KLHL8: variants seen among roughly 807,000 people sequenced by gnomAD.
The protein encoded by KLHL8 is kelch like family member 8, also known as kelch-like protein 8.
Under a neutral mutation model 63.5 loss-of-function variants are expected in KLHL8, and 38 were observed. The ratio of observed to expected loss-of-function variants is 0.60; its 90% CI spans 0.46 to 0.78. The LOEUF (loss-of-function observed/expected upper bound fraction) is 0.78, where lower values mean the gene tolerates loss of function less well. Among genes scored for constraint, KLHL8 ranks in the 30% least tolerant of loss-of-function variants. The pLI is 0.00. For missense variants in KLHL8, 566 were observed against 752.4 expected, an observed-to-expected ratio of 0.75 and a Z score of 2.90; for synonymous variants, 224 against 254.3, an observed-to-expected ratio of 0.88 and a Z score of 1.13.
intron 6 of KLHL8, among the ~76,000 whole-genome samples, chr4:87,174,944 A>C (rs1244435640): frequency 6.6e-6 from 1 of 152,206 alleles, no homozygotes; most frequent in Non-Finnish European, 1.5e-5. Flanking sequence ...TAAAATATCT[A>C]GTAACTCCTG....
intron 2 of KLHL8, among the ~76,000 whole-genome samples, chr4:87,193,305 G>C (rs551429996): frequency 6.6e-6 from 1 of 151,976 alleles, no homozygotes; most frequent in East Asian, 1.9e-4. Context: ...CACAAACTCA[G>C]ACAGTAGCCT....
chr4:87,217,708 C>T (rs1037158350), intron 1 of KLHL8, among the ~76,000 whole-genome samples: 9 of 146,716 alleles, frequency 6.1e-5, no homozygotes, highest in Non-Finnish European at 1.2e-4. Context: ...AGGATGGTCT[C>T]AAACTCCTGG....
At chr4:87,189,057 C>G (rs952368386) in intron 2 of KLHL8, among the ~76,000 whole-genome samples, 1 of 152,194 alleles carries the variant, frequency 6.6e-6, no homozygotes, top group Non-Finnish European at 1.5e-5. Context: ...TTCAAAGACA[C>G]TGGTGCTGGT....
upstream of KLHL8, among the ~76,000 whole-genome samples, chr4:87,224,845 A>C (rs1409377877): frequency 1.3e-5 from 2 of 152,184 alleles, no homozygotes; most frequent in African/African-American, 4.8e-5. Flanking sequence ...TGACATAGGT[A>C]TCTCTAAACC....
At position 87,163,622 on chromosome 4, in the gene KLHL8, A is replaced by G. The variant is rs1268492005; in HGVS notation, c.1760T>C (p.Val587Ala). ...TCCTGCTCCAGCTCTGCAGTGAGAC[A>G]CAGATCCAACAAGCTCCCACCTGAA... is the stretch of plus-strand genomic sequence containing the variant. ...VLNRWELVGS[V>A]SHCRAGAGVA... Residue 587 changes from valine to alanine, a missense_variant, in exon 10 of 10, where the codon GTG becomes GCG. Coordinates refer to ENST00000273963, the MANE Select transcript of KLHL8 (RefSeq NM_020803.5). The G allele has an allele frequency of 2.5e-6, 4 of 1,613,992 alleles. No individual in the cohort carries two copies. The highest frequency in any genetic ancestry group is 2.5e-6 in the Non-Finnish European group (3 of 1,179,996).
rs901977208 is a variant in KLHL8 at position 87,170,449 on chromosome 4, C to G, written c.1375G>C (p.Val459Leu). The G allele has an allele frequency of 4.4e-6, 7 of 1,597,196 alleles. No homozygotes were observed. Among genetic ancestry groups the G allele is most frequent in the Non-Finnish European group, 6.0e-6 (7 of 1,175,260 alleles). The stretch of plus-strand genomic sequence containing the variant: ...TGACAAGTTGCCATATAACTTACTA[C>G]TAGAGCAACAGAGCCAACTCCTCCA... ...PRGGVGSVAL[V>L]NHVYAVGGND... Residue 459 changes from valine (V) to leucine (L), a missense_variant and splice_region_variant, in exon 7 of 10, where the codon GTA becomes CTA. Physicochemically the swap from Val to Leu is conservative, Grantham distance 32 (BLOSUM62 1). Transcript: ENST00000273963.
intron 1 of KLHL8, among the ~76,000 whole-genome samples, chr4:87,208,851 G>A (rs1274090221): frequency 2.0e-5 from 3 of 152,000 alleles, no homozygotes; most frequent in Non-Finnish European, 4.4e-5. Context: ...ATTTGTCAGC[G>A]TACTATTTCT....
rs370806824 is a variant in KLHL8, at chr4:87,199,416, G to A, written c.-151-3726C>T. Among the ~76,000 whole-genome samples, 9 of 152,150 alleles carry A rather than the reference G, an allele frequency of 5.9e-5. No homozygotes were observed. In the East Asian group the frequency reaches 1.5e-3, roughly 26 times the overall value. On this transcript the variant is annotated intron_variant, in intron 1 of 9. Coordinates refer to ENST00000273963, the MANE Select transcript of KLHL8 (RefSeq NM_020803.5). ...CCATAAAGCTACTGGAGGAAAACAC[G>A]TGGGGAAAAGGATTCACAACATTGA...
chr4:87,212,313 C>G (rs1732433049), intron 1 of KLHL8, among the ~76,000 whole-genome samples: 4 of 151,628 alleles, frequency 2.6e-5, no homozygotes, highest in Non-Finnish European at 5.9e-5. Context: ...TTTTTGAAAA[C>G]TGAAAAGCTA....
chr4:87,232,125 C>A (rs1012882179), intron 1 of KLHL8, among the ~76,000 whole-genome samples: 1 of 152,154 alleles, frequency 6.6e-6, no homozygotes, highest in African/African-American at 2.4e-5. Context: ...TAGAACTGTG[C>A]ACTTACCTCT....
At position 87,164,923 on chromosome 4, in the gene KLHL8, C is replaced by T. The variant is rs547371533; in HGVS notation, c.1538-844G>A. ...CAGCACTTTGGGAGGCCAAGGGGGGCCGATCACGAGGTCAGGAGATCGAGA... is the reference window on the plus strand; with the variant it reads ...CAGCACTTTGGGAGGCCAAGGGGGGTCGATCACGAGGTCAGGAGATCGAGA... On this transcript the variant is annotated intron_variant, in intron 8 of 9. Coordinates refer to ENST00000273963, the MANE Select transcript of KLHL8 (RefSeq NM_020803.5). Among the ~76,000 whole-genome samples, 285 of 151,918 alleles carry T rather than the reference C, an allele frequency of 1.9e-3. 3 individuals carry two copies. The highest frequency in any genetic ancestry group is 2.3e-3 in the East Asian group (12 of 5,168).
chr4:87,163,652 C>T lies in KLHL8; in HGVS notation c.1740-10G>A, dbSNP rs111245155. On this transcript the variant is annotated splice_polypyrimidine_tract_variant and intron_variant, in intron 9 of 9. Coordinates refer to ENST00000273963, the MANE Select transcript of KLHL8 (RefSeq NM_020803.5). ...TCCAACAAGCTCCCACCTGAAAAGA[C>T]GGAGAAGAAAAAATGTTACAAAGCA... 3.5e-5 allele frequency: 57 copies of T among 1,610,338 alleles called. No individual in the cohort carries two copies. The highest frequency in any genetic ancestry group is 1.1e-4 in the African/African-American group (8 of 74,718).
intron 1 of KLHL8, chr4:87,219,377 T>C (rs1472169227): frequency 6.6e-6 from 1 of 152,174 alleles, no homozygotes; most frequent in Non-Finnish European, 1.5e-5. Flanking sequence ...CCATCTTGTA[T>C]AGGAGAAAAA....
chr4:87,186,462 C>G (rs1196628980), intron 2 of KLHL8, among the ~76,000 whole-genome samples: 1 of 151,476 alleles, frequency 6.6e-6, no homozygotes, highest in Non-Finnish European at 1.5e-5. Context: ...TCATTACATG[C>G]CAACCACTAT....
rs1464722450 is a variant in KLHL8, at chr4:87,162,943, A to C, written c.*576T>G. ...CTATAAGCTTCTGAAAATGCAGCTA[A>C]GTGGCATTCAAAAAGACAGAACATT... On this transcript the variant is annotated 3_prime_UTR_variant, in exon 10 of 10. Transcript: ENST00000273963. The C allele has an allele frequency of 1.3e-5, 2 of 152,236 alleles. No individual in the cohort carries two copies. Among genetic ancestry groups the C allele is most frequent in the Non-Finnish European group, 2.9e-5 (2 of 68,050 alleles). The allele number at this position is 152,236 out of a possible 1,614,324, so 9.4% of individuals were successfully genotyped here. A position where few individuals can be genotyped will look rare whatever the true frequency, so the allele number is the denominator to read the frequency against.
upstream of KLHL8, among the ~76,000 whole-genome samples, chr4:87,223,441 G>A (rs1005767391): frequency 6.6e-6 from 1 of 151,988 alleles, no homozygotes; most frequent in African/African-American, 2.4e-5. Flanking sequence ...TCTATTTATC[G>A]AAGAACATTT....
intron 1 of KLHL8, among the ~76,000 whole-genome samples, chr4:87,196,678 A>C (rs1347951020): frequency 6.6e-6 from 1 of 152,240 alleles, no homozygotes; most frequent in East Asian, 1.9e-4. Flanking sequence ...AGCATATTTG[A>C]TGAATATCCA....
chr4:87,230,126 T>G (rs1016119938), intron 1 of KLHL8, among the ~76,000 whole-genome samples: 1 of 152,146 alleles, frequency 6.6e-6, no homozygotes, highest in Non-Finnish European at 1.5e-5. Context: ...AATGCAGTAC[T>G]TCTGAGCTAG....
intron 1 of KLHL8, among the ~76,000 whole-genome samples, chr4:87,214,019 G>C (rs1732499224): frequency 6.6e-6 from 1 of 152,108 alleles, no homozygotes; most frequent in Non-Finnish European, 1.5e-5. Flanking sequence ...TCTGTATCTA[G>C]TACATAGTAA....
Sources: allele counts gnomAD v4.1 joint callset (sites outside exome capture counted in the v4.1 genomes callset), GRCh38; gene constraint gnomAD v4.1.1; transcripts MANE v1.5; gene names NCBI Gene and HGNC (gene_info 2026-07-23, HGNC 2026-07-21).